The following CDYL2 variants were observed in gnomAD, a reference collection of about 807,000 sequenced individuals.
CDYL2 encodes chromodomain Y like 2.
Under a neutral mutation model 49.4 loss-of-function variants are expected in CDYL2, and 23 were observed. That is an observed-to-expected ratio of 0.47 (90% CI 0.34 to 0.66). CDYL2 has a LOEUF of 0.66. Among genes scored for constraint, CDYL2 ranks in the 30% least tolerant of loss-of-function variants. CDYL2 has a pLI of 0.01. For synonymous variants in CDYL2, 360 were observed against 268.8 expected, an observed-to-expected ratio of 1.34 and a Z score of -3.32; for missense variants, 678 against 656.4, an observed-to-expected ratio of 1.03 and a Z score of -0.36.
chr16:80,622,910 T>G (rs993823462), intron 3 of CDYL2, among the ~76,000 whole-genome samples: 1 of 152,062 alleles, frequency 6.6e-6, no homozygotes, highest in Non-Finnish European at 1.5e-5. Context: ...TGCCCATGAG[T>G]ACTTGCACCC....
intron 4 of CDYL2, among the ~76,000 whole-genome samples, chr16:80,614,355 C>T (rs1347606947): frequency 6.6e-6 from 1 of 152,218 alleles, no homozygotes; most frequent in Non-Finnish European, 1.5e-5. Context: ...CACATCAAAC[C>T]TCCCACCATG....
intron 1 of CDYL2, among the ~76,000 whole-genome samples, chr16:80,762,048 T>C (rs9936346): frequency 0.12 from 18,475 of 151,768 alleles, 1,312 homozygotes; most frequent in African/African-American, 0.2. Flanking sequence ...TAGCCAGGCA[T>C]AGTGGTACAC....
At chr16:80,756,862 T>TAAAA (rs35273155) in intron 1 of CDYL2, among the ~76,000 whole-genome samples, 1 of 147,808 alleles carries the variant, frequency 6.8e-6, no homozygotes, top group Admixed American at 6.7e-5. Context: ...TATAAATTAG[T>TAAAA]AAAAAAAAAA....
At chr16:80,780,616 A>T (rs1052892438) in intron 1 of CDYL2, among the ~76,000 whole-genome samples, 2 of 152,006 alleles carry the variant, frequency 1.3e-5, no homozygotes, top group Non-Finnish European at 2.9e-5. Context: ...CGTGTTAGCC[A>T]GGATGGTCTT....
chr16:80,681,656 G>A (rs1022195193), intron 2 of CDYL2, among the ~76,000 whole-genome samples: 1 of 152,184 alleles, frequency 6.6e-6, no homozygotes, highest in African/African-American at 2.4e-5. Context: ...GGCTGATGGT[G>A]GCTGGGACAA....
In CDYL2 at chr16:80,759,184, T is replaced by C. The variant is rs554588801; in HGVS notation, c.24+44966A>G. 2.0e-3 allele frequency among the ~76,000 whole-genome samples: 287 copies of C among 144,026 alleles called. 1 individual carries two copies. The highest frequency in any genetic ancestry group is 3.7e-3 in the Admixed American group (53 of 14,302). 94.5% of individuals were successfully genotyped at this position (144,026 alleles called of 152,430 possible). A position where few individuals can be genotyped will look rare whatever the true frequency, so the allele number is the denominator to read the frequency against. On this transcript the variant is annotated intron_variant, in intron 1 of 6. Transcript: ENST00000570137. ...TTTATATATATATATATGGTGTGTA[T>C]ATATATATATAATTTGATATGTTAA...
chr16:80,655,355 G>C (rs1908760516), intron 2 of CDYL2, among the ~76,000 whole-genome samples: 2 of 152,170 alleles, frequency 1.3e-5, no homozygotes, highest in African/African-American at 2.4e-5. Flanking sequence ...TCTACCAGGT[G>C]ATGGGGATCC....
chr16:80,609,696 C>G (rs1906508821), intron 5 of CDYL2, among the ~76,000 whole-genome samples: 1 of 152,116 alleles, frequency 6.6e-6, no homozygotes, highest in South Asian at 2.1e-4. Flanking sequence ...GGCGAGGCCC[C>G]CATTCATACG....
chr16:80,665,834 T>G (rs537317481), intron 2 of CDYL2, among the ~76,000 whole-genome samples: 2 of 152,238 alleles, frequency 1.3e-5, no homozygotes, highest in South Asian at 4.2e-4. Context: ...GTCACAAAAG[T>G]AACAGAGTCC....
chr16:80,790,416 G>T (rs16954043), intron 1 of CDYL2, among the ~76,000 whole-genome samples: 1 of 152,122 alleles, frequency 6.6e-6, no homozygotes. Context: ...AGAAAAAAAG[G>T]GTTTACAGTT....
Position 80,804,211 on chromosome 16 carries a change from T to C in CDYL2, c.-38A>G, listed in dbSNP as rs1290442765. Reference sequence around the variant, plus strand: ...AACTTGGCTCGCCGGTGTGCGCGTCTGCTCGCTCGCGCCCTCCGTGCGTGT... The same window carrying C: ...AACTTGGCTCGCCGGTGTGCGCGTCCGCTCGCTCGCGCCCTCCGTGCGTGT... On this transcript the variant is annotated 5_prime_UTR_variant, in exon 1 of 7. Coordinates refer to ENST00000570137, the MANE Select transcript of CDYL2 (RefSeq NM_152342.4). 1.5e-6 allele frequency: 2 copies of C among 1,340,314 alleles called. No homozygotes were observed. The highest frequency in any genetic ancestry group is 2.6e-5 in the Admixed American group (1 of 38,524). 83.0% of individuals were successfully genotyped at this position (1,340,314 alleles called of 1,614,324 possible).
intron 1 of CDYL2, among the ~76,000 whole-genome samples, chr16:80,785,347 G>C (rs7186990): frequency 0.024 from 3,671 of 152,180 alleles, 112 homozygotes; most frequent in African/African-American, 0.07. Flanking sequence ...CAAATCATGA[G>C]TGAACTCCCA....
chr16:80,679,733 CCACCTGG>C, intron 2 of CDYL2: 1 of 456,128 alleles, frequency 2.2e-6, no homozygotes, highest in Non-Finnish European at 4.4e-6. Flanking sequence ...CTCAATACCA[CCACCTGG>C]CAGGCACAAC....
intron 1 of CDYL2, among the ~76,000 whole-genome samples, chr16:80,704,773 G>A (rs900644743): frequency 6.6e-6 from 1 of 152,246 alleles, no homozygotes; most frequent in Non-Finnish European, 1.5e-5. Context: ...GTCAGCGTGA[G>A]TAACAGAGAA....
chr16:80,757,435 G>C (rs1906348978), intron 1 of CDYL2, among the ~76,000 whole-genome samples: 2 of 151,498 alleles, frequency 1.3e-5, no homozygotes, highest in Non-Finnish European at 2.9e-5. Flanking sequence ...AGCTGCTCAG[G>C]AGGCTGAGAG....
In CDYL2 at chr16:80,633,064, G is replaced by T. The variant is rs766748932; in HGVS notation, c.789C>A (p.Ile263=). 5 of 1,614,156 alleles carry T rather than the reference G, an allele frequency of 3.1e-6. No individual in the cohort carries two copies. The highest frequency in any genetic ancestry group is 3.4e-6 in the Non-Finnish European group (4 of 1,180,016). ...VVRKEEGFTH[I]LLSSQTSDNN... ...TATCCGAGGTCTGACTGGACAGCAGGATGTGCGTGAACCCTTCTTCCTTCC... is the reference window on the plus strand; with the variant it reads ...TATCCGAGGTCTGACTGGACAGCAGTATGTGCGTGAACCCTTCTTCCTTCC... The change falls in exon 3 of 7, where the codon ATC becomes ATA. Residue 263 remains isoleucine (I), a synonymous_variant. Coordinates refer to ENST00000570137, the MANE Select transcript of CDYL2 (RefSeq NM_152342.4).
At chr16:80,650,124 A>C (rs1908522435) in intron 2 of CDYL2, among the ~76,000 whole-genome samples, 1 of 152,178 alleles carries the variant, frequency 6.6e-6, no homozygotes, top group Admixed American at 6.5e-5. Context: ...AAATGGGATC[A>C]CAGTAAGTTA....
At chr16:80,643,204 G>A (rs984594080) in intron 2 of CDYL2, among the ~76,000 whole-genome samples, 2 of 152,200 alleles carry the variant, frequency 1.3e-5, no homozygotes, top group Non-Finnish European at 2.9e-5. Context: ...CAGCAGGGCA[G>A]TCAAATTTTA....
At chr16:80,706,662 G>A (rs1312609665) in intron 1 of CDYL2, among the ~76,000 whole-genome samples, 1 of 152,190 alleles carries the variant, frequency 6.6e-6, no homozygotes, top group Non-Finnish European at 1.5e-5. Context: ...AAGGGTGCCA[G>A]AAATGCTCCA....
Sources: gnomAD v4.1 joint callset for allele counts (sites outside exome capture counted in the v4.1 genomes callset) on GRCh38, gnomAD v4.1.1 for gene constraint, MANE v1.5 for transcripts, NCBI Gene and HGNC (gene_info 2026-07-23, HGNC 2026-07-21) for gene names.